The following MED15 variants were observed in gnomAD, a reference collection of about 807,000 sequenced individuals.
MED15 encodes the protein mediator of RNA polymerase II transcription subunit 15.
MED15 carries 41 observed loss-of-function variants against 118.7 expected under a neutral mutation model. That is an observed-to-expected ratio of 0.35 (90% CI 0.27 to 0.45). The LOEUF is 0.45. Ranked by LOEUF, MED15 falls within the 20% of genes least tolerant of loss-of-function variation. The probability of loss-of-function intolerance (pLI) is 1.00; values close to 1 mark genes in which losing one functional copy is unlikely to be tolerated. For synonymous variants in MED15, 436 were observed against 413.9 expected, an observed-to-expected ratio of 1.05 and a Z score of -0.65; for missense variants, 740 against 1,025.5, an observed-to-expected ratio of 0.72 and a Z score of 3.80.
intron 7 of MED15, among the ~76,000 whole-genome samples, 181 bp downstream of exon 7, chr22:20,566,998 C>G (rs2056468204): frequency 6.6e-6 from 1 of 152,212 alleles, no homozygotes; most frequent in Non-Finnish European, 1.5e-5. Context: ...ATGTGTTTTG[C>G]ATTTTGTGTT....
At chr22:20,554,258 G>A (rs1285156057) in intron 4 of MED15, 1 of 152,418 alleles carries the variant, frequency 6.6e-6, no homozygotes, top group African/African-American at 2.4e-5. Flanking sequence ...GTCCTGCCAG[G>A]ACATACCTGT....
intron 9 of MED15, among the ~76,000 whole-genome samples, chr22:20,579,850 G>T (rs1388396865): frequency 2.0e-5 from 3 of 152,126 alleles, no homozygotes; most frequent in Non-Finnish European, 4.4e-5. Flanking sequence ...GACAGGTGGT[G>T]TGCACTCAGA....
chr22:20,541,429 A>G (rs1199522022), intron 2 of MED15, among the ~76,000 whole-genome samples: 1 of 152,188 alleles, frequency 6.6e-6, no homozygotes, highest in Non-Finnish European at 1.5e-5. Flanking sequence ...TTCCATTATA[A>G]TGGCTATGAT....
rs1362068941 is a variant in MED15 at position 20,583,261 on chromosome 22, A to AG, written c.1672+17dup. 14 of 1,611,306 alleles carry AG rather than the reference A, an allele frequency of 8.7e-6. No individual in the cohort carries two copies. The South Asian group carries it at 1.5e-4, about 18-fold the overall frequency. ...ACAAGAACGAAGGTAGGCTGCAGCCAGGGCAGGGGCCTGCACCCTGGGGAC... is the reference window on the plus strand; with the variant it reads ...ACAAGAACGAAGGTAGGCTGCAGCCAGGGGCAGGGGCCTGCACCCTGGGGAC... On this transcript the variant is annotated intron_variant, in intron 12 of 17. Transcript: ENST00000263205.
chr22:20,571,760 G>A (rs1268352277), intron 8 of MED15, among the ~76,000 whole-genome samples: 2 of 152,198 alleles, frequency 1.3e-5, no homozygotes, highest in Non-Finnish European at 2.9e-5. Context: ...ACTTGAATTG[G>A]CACAGTGACC....
chr22:20,569,102 C>A (rs987189079), intron 8 of MED15, among the ~76,000 whole-genome samples: 5 of 152,016 alleles, frequency 3.3e-5, no homozygotes, highest in African/African-American at 9.7e-5. Flanking sequence ...TCAGGGACTC[C>A]GGCGCTGTGT....
rs1251833440 is a variant in MED15, at chr22:20,536,272, T to C, written c.69-845T>C. On this transcript the variant is annotated intron_variant, in intron 1 of 17. Transcript: ENST00000263205. ...GCAGGCAGTGAGCACACCAGAGCAG[T>C]CCACCCCTGGGAGCCACAGGCCAGG... Among the ~76,000 whole-genome samples the C allele has an allele frequency of 4.9e-5, 7 of 142,664 alleles. No individual in the cohort carries two copies. In the East Asian group the frequency reaches 1.1e-3, roughly 22 times the overall value. 93.6% of individuals were successfully genotyped at this position (142,664 alleles called of 152,430 possible). A position where few individuals can be genotyped will look rare whatever the true frequency, so the allele number is the denominator to read the frequency against.
intron 2 of MED15, among the ~76,000 whole-genome samples, chr22:20,550,269 G>A (rs1488671069): frequency 1.3e-5 from 2 of 152,208 alleles, no homozygotes; most frequent in Admixed American, 1.3e-4. Context: ...ATAGCCGGAA[G>A]CTGGGCGTGT....
At chr22:20,530,969 G>A (rs929063300) in intron 1 of MED15, among the ~76,000 whole-genome samples, 5 of 152,132 alleles carry the variant, frequency 3.3e-5, no homozygotes, top group Non-Finnish European at 5.9e-5. Context: ...TTTCTTTAAC[G>A]CATACCTAGC....
At chr22:20,562,016 G>A (rs768236123) in intron 5 of MED15, among the ~76,000 whole-genome samples, 6 of 152,148 alleles carry the variant, frequency 3.9e-5, no homozygotes, top group Admixed American at 6.5e-5. Flanking sequence ...AATTAGCTGA[G>A]TGTGGTGGTA....
intron 1 of MED15, chr22:20,523,525 T>G: frequency 2.7e-6 from 1 of 370,436 alleles, no homozygotes; most frequent in Non-Finnish European, 3.7e-6. Context: ...AGACACCAGA[T>G]GATTTCAACT....
intron 7 of MED15, 67 bp downstream of exon 7, chr22:20,566,884 T>C (rs2056462237): frequency 1.3e-6 from 2 of 1,577,778 alleles, no homozygotes; most frequent in Non-Finnish European, 1.7e-6. Flanking sequence ...GTTTCTAGGC[T>C]CTTTGGCTAG....
intron 1 of MED15, among the ~76,000 whole-genome samples, chr22:20,533,785 G>A (rs944540779): frequency 6.6e-6 from 1 of 152,212 alleles, no homozygotes; most frequent in Non-Finnish European, 1.5e-5. Flanking sequence ...ACCCAGGACA[G>A]GACAGGGCCC....
chr22:20,568,338 A>G (rs899924876), intron 7 of MED15, among the ~76,000 whole-genome samples, 183 bp from the exon 8 acceptor site: 4 of 152,206 alleles, frequency 2.6e-5, no homozygotes, highest in African/African-American at 4.8e-5. Flanking sequence ...GCCACTTGCC[A>G]GAATTGGATT....
rs1303585687 is a variant in MED15, at chr22:20,587,453, C to G, written c.*749C>G. 5.0e-6 allele frequency: 1 copy of G among 199,386 alleles called. No homozygotes were observed. Among genetic ancestry groups the G allele is most frequent in the Non-Finnish European group, 1.0e-5 (1 of 96,716 alleles). 12.4% of individuals were successfully genotyped at this position (199,386 alleles called of 1,614,324 possible). On this transcript the variant is annotated 3_prime_UTR_variant, in exon 18 of 18. Transcript: ENST00000263205. ...TCCTCAGAGCACCACACACTGAGCA[C>G]CCAGAGACAGCGGGCCTGGCAGCGG...
intron 3 of MED15, chr22:20,552,487 C>A: frequency 2.5e-6 from 1 of 405,990 alleles, no homozygotes; most frequent in Non-Finnish European, 5.0e-6. Flanking sequence ...AAGGAGCAGC[C>A]CAGATGATCT....
chr22:20,526,298 A>G (rs2054643000), intron 1 of MED15, among the ~76,000 whole-genome samples: 1 of 152,226 alleles, frequency 6.6e-6, no homozygotes, highest in Non-Finnish European at 1.5e-5. Context: ...AGAGGTAGCA[A>G]CTGCCTTTAC....
intron 3 of MED15, 57 bp from the exon 4 acceptor site, chr22:20,553,088 T>TA: frequency 1.3e-6 from 2 of 1,529,354 alleles, no homozygotes; most frequent in South Asian, 2.3e-5. Flanking sequence ...CCCATGGAAA[T>TA]ATGTGGTTAT....
chr22:20,533,389 T>C (rs1423354508), intron 1 of MED15, among the ~76,000 whole-genome samples: 3 of 152,240 alleles, frequency 2.0e-5, no homozygotes, highest in African/African-American at 7.2e-5. Context: ...TTTGTGACAC[T>C]TGATCTTCAA....
Sources: gnomAD v4.1 joint callset for allele counts (sites outside exome capture counted in the v4.1 genomes callset) on GRCh38, gnomAD v4.1.1 for gene constraint, MANE v1.5 for transcripts, NCBI Gene and HGNC (gene_info 2026-07-23, HGNC 2026-07-21) for gene names.